The following TMEM248 variants were observed in gnomAD, a reference collection of about 807,000 sequenced individuals.
TMEM248 encodes the protein transmembrane protein 248.
In TMEM248, 9 loss-of-function variants were observed where a neutral mutation model predicts 30.3. The observed-to-expected ratio is 0.30, with a 90% CI of 0.18 to 0.52. The LOEUF (loss-of-function observed/expected upper bound fraction) is 0.52. TMEM248 is among the 20% of genes least tolerant of loss of function. TMEM248 has a pLI of 0.97. For missense variants in TMEM248, 338 were observed against 403.3 expected (o/e 0.84, Z 1.39); for synonymous variants, 184 against 154.4 (o/e 1.19, Z -1.42).
intron 3 of TMEM248, among the ~76,000 whole-genome samples, chr7:66,945,959 C>G (rs1256134853): frequency 6.6e-6 from 1 of 152,124 alleles, no homozygotes; most frequent in African/African-American, 2.4e-5. Flanking sequence ...TGGCAGGCAC[C>G]TGTAGTCCCA....
intron 1 of TMEM248, among the ~76,000 whole-genome samples, chr7:66,927,190 A>G (rs1791547805): frequency 6.6e-6 from 1 of 152,136 alleles, no homozygotes. Context: ...TTTTTTTAAG[A>G]AGCGGGGGGG....
At chr7:66,921,947 T>C (rs914281068) in intron 1 of TMEM248, 1 of 152,244 alleles carries the variant, frequency 6.6e-6, no homozygotes, top group Non-Finnish European at 1.5e-5. Flanking sequence ...GTGGATTCTT[T>C]CTTCATGTTT....
intron 1 of TMEM248, among the ~76,000 whole-genome samples, chr7:66,940,206 G>A (rs112497640): frequency 1.3e-5 from 2 of 151,846 alleles, no homozygotes. Flanking sequence ...CACCCGCCTC[G>A]GCCTCCCAAA....
intron 1 of TMEM248, among the ~76,000 whole-genome samples, chr7:66,938,409 A>G (rs1158492284): frequency 6.6e-6 from 1 of 152,222 alleles, no homozygotes; most frequent in Non-Finnish European, 1.5e-5. Flanking sequence ...CAGTGAATAT[A>G]CCAAAAATCA....
intron 1 of TMEM248, among the ~76,000 whole-genome samples, chr7:66,938,692 G>A (rs1461504638): frequency 6.6e-6 from 1 of 152,100 alleles, no homozygotes; most frequent in Non-Finnish European, 1.5e-5. Flanking sequence ...ATTTTTCATA[G>A]AGACGGGGTT....
At chr7:66,931,295 CTCAA>C (rs1791657584) in intron 1 of TMEM248, among the ~76,000 whole-genome samples, 1 of 78,106 alleles carries the variant, frequency 1.3e-5, no homozygotes. Context: ...GAGACAATAT[CTCAA>C]AAAAAAAAAA....
At chr7:66,948,751 C>T (rs770578945) in intron 4 of TMEM248, 57 bp downstream of exon 4, 110 of 1,555,110 alleles carry the variant, frequency 7.1e-5, no homozygotes, top group Non-Finnish European at 9.4e-5. Context: ...GCCGTGAGTA[C>T]GGCTGGGCTG....
chr7:66,929,250 G>A (rs920377599), intron 1 of TMEM248, among the ~76,000 whole-genome samples: 1 of 152,032 alleles, frequency 6.6e-6, no homozygotes, highest in African/African-American at 2.4e-5. Flanking sequence ...TTCCGTATCT[G>A]TAAAATAGAG....
At chr7:66,938,495 C>G (rs915048887) in intron 1 of TMEM248, among the ~76,000 whole-genome samples, 7 of 151,974 alleles carry the variant, frequency 4.6e-5, no homozygotes, top group African/African-American at 1.7e-4. Context: ...ATATCAAGAA[C>G]CTTTCTTTTT....
At chr7:66,950,176 A>G (rs906812512) in intron 4 of TMEM248, among the ~76,000 whole-genome samples, 1 of 151,538 alleles carries the variant, frequency 6.6e-6, no homozygotes, top group African/African-American at 2.4e-5. Flanking sequence ...CAGTGAGCCG[A>G]GGTCACACCG....
chr7:66,929,879 A>C (rs1327371534), intron 1 of TMEM248, among the ~76,000 whole-genome samples: 1 of 152,110 alleles, frequency 6.6e-6, no homozygotes, highest in East Asian at 1.9e-4. Context: ...GACTGGCAGG[A>C]GCTGGGCGCA....
chr7:66,933,008 G>A (rs1791707750), intron 1 of TMEM248, among the ~76,000 whole-genome samples: 1 of 151,912 alleles, frequency 6.6e-6, no homozygotes, highest in African/African-American at 2.4e-5. Flanking sequence ...ACAACCACGC[G>A]CCACCACACC....
At chr7:66,942,884 G>A (rs1203149024) in intron 2 of TMEM248, among the ~76,000 whole-genome samples, 1 of 150,564 alleles carries the variant, frequency 6.6e-6, no homozygotes, top group Non-Finnish European at 1.5e-5. Flanking sequence ...AGGTGGGGGT[G>A]GGAGTGGGGC....
Position 66,951,096 on chromosome 7 carries a change from T to C in TMEM248, c.741T>C (p.Tyr247=). The C allele has an allele frequency of 6.2e-7, 1 of 1,605,434 alleles. No individual in the cohort carries two copies. The highest frequency in any genetic ancestry group is 8.5e-7 in the Non-Finnish European group (1 of 1,176,758). Reference sequence around the variant, plus strand: ...ATAAGGGGGCCATTGGAAAAGTCTATCATGCTTTAAATCCCAAGCTTACAG... The same window carrying C: ...ATAAGGGGGCCATTGGAAAAGTCTACCATGCTTTAAATCCCAAGCTTACAG... The part of the protein sequence containing the change: ...WCYKGAIGKV[Y]HALNPKLTVI... The change falls in exon 5 of 7, where the codon TAT becomes TAC. Residue 247 remains tyrosine, a synonymous_variant. Transcript: ENST00000341567.
chr7:66,934,777 TGTG>T (rs920430377), intron 1 of TMEM248, among the ~76,000 whole-genome samples: 1 of 152,080 alleles, frequency 6.6e-6, no homozygotes, highest in Non-Finnish European at 1.5e-5. Context: ...TTGGGCCAGG[TGTG>T]GTGGTTCACA....
In TMEM248 at chr7:66,957,674, G is replaced by GA. The variant is rs1311004950; in HGVS notation, c.*2157dup. 3 of 152,178 alleles carry GA rather than the reference G, an allele frequency of 2.0e-5. No homozygotes were observed. The highest frequency in any genetic ancestry group is 4.4e-5 in the Non-Finnish European group (3 of 68,036). The allele number at this position is 152,178 out of a possible 1,614,324, so 9.4% of individuals were successfully genotyped here. A position where few individuals can be genotyped will look rare whatever the true frequency, so the allele number is the denominator to read the frequency against. Reference sequence around the variant, plus strand: ...TAGCTGGCAGAGTGGTATCAAAGGAGAAAAACAGTGAAAAAGCCAATTTCA... The same window carrying GA: ...TAGCTGGCAGAGTGGTATCAAAGGAGAAAAAACAGTGAAAAAGCCAATTTCA... On this transcript the variant is annotated 3_prime_UTR_variant, in exon 7 of 7. Coordinates refer to ENST00000341567, the MANE Select transcript of TMEM248 (RefSeq NM_017994.5).
chr7:66,942,154 G>C, intron 2 of TMEM248, 130 bp downstream of exon 2: 1 of 1,030,584 alleles, frequency 9.7e-7, no homozygotes. Flanking sequence ...TATTTATTCA[G>C]AATTTTCTGT....
intron 1 of TMEM248, among the ~76,000 whole-genome samples, chr7:66,932,138 T>C (rs1374903960): frequency 1.3e-5 from 2 of 152,080 alleles, no homozygotes; most frequent in African/African-American, 4.8e-5. Context: ...TTCCTCCCCT[T>C]ATATTAGGTT....
intron 1 of TMEM248, among the ~76,000 whole-genome samples, chr7:66,926,256 A>T (rs868179895): frequency 6.6e-6 from 1 of 152,174 alleles, no homozygotes; most frequent in East Asian, 1.9e-4. Flanking sequence ...CATACGTCTG[A>T]AAAGGGGTTA....
Sources: allele counts gnomAD v4.1 joint callset (sites outside exome capture counted in the v4.1 genomes callset), GRCh38; gene constraint gnomAD v4.1.1; transcripts MANE v1.5; gene names NCBI Gene and HGNC (gene_info 2026-07-23, HGNC 2026-07-21).